The following PRKCE variants were observed in gnomAD, a reference collection of about 807,000 sequenced individuals.
PRKCE encodes protein kinase C epsilon.
Under a neutral mutation model 85.4 loss-of-function variants are expected in PRKCE, and 16 were observed. The observed-to-expected ratio is 0.19, with a 90% CI of 0.13 to 0.28. PRKCE has a LOEUF of 0.28. Ranked by LOEUF, PRKCE falls within the 10% of genes least tolerant of loss-of-function variation. The pLI is 1.00. For missense variants in PRKCE, 573 were observed against 975.2 expected, an observed-to-expected ratio of 0.59 and a Z score of 5.49; for synonymous variants, 388 against 371.5, an observed-to-expected ratio of 1.04 and a Z score of -0.51.
Position 46,187,672 on chromosome 2 carries a change from A to T in PRKCE, c.*2791A>T, listed in dbSNP as rs1046939618. The T allele has an allele frequency of 2.0e-5, 3 of 152,138 alleles. No homozygotes were observed. The highest frequency in any genetic ancestry group is 7.3e-5 in the African/African-American group (3 of 41,308). The allele number at this position is 152,138 out of a possible 1,614,324, so 9.4% of individuals were successfully genotyped here. On this transcript the variant is annotated 3_prime_UTR_variant, in exon 15 of 15. Coordinates refer to ENST00000306156, the MANE Select transcript of PRKCE (RefSeq NM_005400.3). ...ATGGACTTTGTGAAGTAGAAACATA[A>T]TTTTTTTTCCTCCAAAGGTGAAAAA...
chr2:45,746,274 A>G (rs1420768003), intron 1 of PRKCE, among the ~76,000 whole-genome samples: 1 of 152,182 alleles, frequency 6.6e-6, no homozygotes, highest in Non-Finnish European at 1.5e-5. Flanking sequence ...TCTAAACCTC[A>G]GAGGTATATC....
At chr2:46,134,477 C>T (rs1164028470) in intron 11 of PRKCE, among the ~76,000 whole-genome samples, 2 of 152,204 alleles carry the variant, frequency 1.3e-5, no homozygotes, top group African/African-American at 4.8e-5. Flanking sequence ...TTGAAGAATG[C>T]AAGCAGCAGG....
At chr2:45,856,831 C>G (rs1692719279) in intron 2 of PRKCE, among the ~76,000 whole-genome samples, 1 of 152,202 alleles carries the variant, frequency 6.6e-6, no homozygotes, top group Non-Finnish European at 1.5e-5. Flanking sequence ...TGGCTTATTT[C>G]ACTTAACATA....
intron 13 of PRKCE, among the ~76,000 whole-genome samples, chr2:46,153,194 T>C (rs1282477721): frequency 6.6e-6 from 1 of 152,176 alleles, no homozygotes; most frequent in African/African-American, 2.4e-5. Flanking sequence ...TTTAATAAAT[T>C]AAAAATATAT....
At chr2:45,732,632 C>T (rs986027831) in intron 1 of PRKCE, among the ~76,000 whole-genome samples, 2 of 152,116 alleles carry the variant, frequency 1.3e-5, no homozygotes, top group South Asian at 2.1e-4. Context: ...GAAGTCTTCC[C>T]GGATCCTCCA....
chr2:45,950,745 C>T (rs1700564589), intron 2 of PRKCE, among the ~76,000 whole-genome samples: 1 of 152,128 alleles, frequency 6.6e-6, no homozygotes, highest in Admixed American at 6.5e-5. Context: ...ACCCTTGTGT[C>T]TGCCAAGTGT....
intron 2 of PRKCE, among the ~76,000 whole-genome samples, chr2:45,853,842 A>G (rs537023168): frequency 5.9e-5 from 9 of 152,274 alleles, no homozygotes; most frequent in African/African-American, 1.9e-4. Flanking sequence ...GATACTTACT[A>G]GGGACTTTCC....
At chr2:46,086,067 C>G in intron 10 of PRKCE, 141 bp from the exon 11 acceptor site, 1 of 780,272 alleles carries the variant, frequency 1.3e-6, no homozygotes, top group South Asian at 1.7e-5. Context: ...CTTTATGGAT[C>G]AGGTGCTACC....
intron 2 of PRKCE, among the ~76,000 whole-genome samples, chr2:45,958,117 A>C (rs1259809332): frequency 6.6e-6 from 1 of 150,884 alleles, no homozygotes; most frequent in Admixed American, 6.6e-5. Flanking sequence ...AAGCAGAGAG[A>C]ACCTCAGAAT....
intron 9 of PRKCE, among the ~76,000 whole-genome samples, chr2:46,009,807 C>T (rs143703942): frequency 5.3e-5 from 8 of 152,132 alleles, no homozygotes; most frequent in African/African-American, 1.7e-4. Context: ...TATAAGCAAC[C>T]GTGATAATAA....
At chr2:45,839,468 T>A (rs1409046279) in intron 1 of PRKCE, among the ~76,000 whole-genome samples, 1 of 152,190 alleles carries the variant, frequency 6.6e-6, no homozygotes, top group African/African-American at 2.4e-5. Flanking sequence ...CAAGGAGGTT[T>A]GATAAATTAG....
At chr2:45,743,388 C>T (rs1309798550) in intron 1 of PRKCE, among the ~76,000 whole-genome samples, 2 of 152,064 alleles carry the variant, frequency 1.3e-5, no homozygotes, top group African/African-American at 4.8e-5. Context: ...CACTTTTTGT[C>T]AATTATACCT....
chr2:45,738,367 C>T (rs1388507658), intron 1 of PRKCE, among the ~76,000 whole-genome samples: 1 of 152,160 alleles, frequency 6.6e-6, no homozygotes, highest in East Asian at 1.9e-4. Flanking sequence ...AGCTGATTTG[C>T]TGTTTTCTTC....
chr2:45,658,594 A>G (rs1292778212), intron 1 of PRKCE, among the ~76,000 whole-genome samples: 1 of 152,214 alleles, frequency 6.6e-6, no homozygotes, highest in African/African-American at 2.4e-5. Flanking sequence ...TTCATCTGTA[A>G]AATGGAAATG....
At chr2:45,987,322 G>A (rs866937908) in intron 6 of PRKCE, among the ~76,000 whole-genome samples, 15 of 152,220 alleles carry the variant, frequency 9.9e-5, no homozygotes, top group Middle Eastern at 3.4e-3. Context: ...GAATCAGGCC[G>A]CATGAGGGCT....
intron 2 of PRKCE, among the ~76,000 whole-genome samples, chr2:45,878,848 C>G (rs540631385): frequency 6.6e-6 from 1 of 152,338 alleles, no homozygotes; most frequent in South Asian, 2.1e-4. Flanking sequence ...CATTTCTCCT[C>G]ATGCTGGCAA....
At chr2:45,866,187 G>A (rs922775824) in intron 2 of PRKCE, among the ~76,000 whole-genome samples, 1 of 152,134 alleles carries the variant, frequency 6.6e-6, no homozygotes, top group Admixed American at 6.5e-5. Flanking sequence ...GGCTAAAACA[G>A]CAGTTCATTG....
chr2:46,181,643 A>G (rs1243166553), intron 14 of PRKCE, among the ~76,000 whole-genome samples: 1 of 152,236 alleles, frequency 6.6e-6, no homozygotes, highest in Non-Finnish European at 1.5e-5. Flanking sequence ...CACTATGCTC[A>G]GTTGACCTCA....
chr2:45,752,939 T>C (rs1280767202), intron 1 of PRKCE, among the ~76,000 whole-genome samples: 1 of 152,188 alleles, frequency 6.6e-6, no homozygotes. Flanking sequence ...TTAATGGGGC[T>C]TTCTGGAGCA....
Sources: gnomAD v4.1 joint callset for allele counts (sites outside exome capture counted in the v4.1 genomes callset) on GRCh38, gnomAD v4.1.1 for gene constraint, MANE v1.5 for transcripts, NCBI Gene and HGNC (gene_info 2026-07-23, HGNC 2026-07-21) for gene names.